Variants in CRYZL1 observed in about 807,000 individuals in gnomAD.
CRYZL1 encodes the protein crystallin zeta like 1, also known as ferry endosomal RAB5 effector complex subunit 4.
A neutral mutation model predicts 50.6 loss-of-function variants in CRYZL1; 34 were observed. The observed-to-expected ratio is 0.67, with a 90% confidence interval of 0.51 to 0.89. The LOEUF is 0.89. Ranked by LOEUF, CRYZL1 falls within the 40% of genes least tolerant of loss-of-function variation. The pLI is 0.00. For synonymous variants in CRYZL1, 125 were observed against 134.3 expected, an observed-to-expected ratio of 0.93 and a Z score of 0.48; for missense variants, 354 against 402.3, an observed-to-expected ratio of 0.88 and a Z score of 1.03.
intron 11 of CRYZL1, among the ~76,000 whole-genome samples, chr21:33,593,846 G>A (rs1159981115): frequency 2.0e-5 from 3 of 151,746 alleles, no homozygotes; most frequent in African/African-American, 4.8e-5. Flanking sequence ...TTAGCCAGGC[G>A]TGGTGGCGCA....
chr21:33,637,743 G>C (rs562473284), intron 1 of CRYZL1, among the ~76,000 whole-genome samples: 6 of 138,246 alleles, frequency 4.3e-5, no homozygotes, highest in South Asian at 2.3e-4. Flanking sequence ...TATATAAACA[G>C]CTACACAAGA....
At chr21:33,611,387 T>C (rs1414524754) in intron 6 of CRYZL1, among the ~76,000 whole-genome samples, 1 of 152,172 alleles carries the variant, frequency 6.6e-6, no homozygotes, top group Non-Finnish European at 1.5e-5. Flanking sequence ...AAATTAATTT[T>C]TAATAAAATA....
chr21:33,604,895 T>C (rs1230594141), intron 6 of CRYZL1, among the ~76,000 whole-genome samples: 1 of 152,228 alleles, frequency 6.6e-6, no homozygotes, highest in Non-Finnish European at 1.5e-5. Flanking sequence ...AGGTATATTA[T>C]CTGTTCCTTA....
intron 1 of CRYZL1, among the ~76,000 whole-genome samples, chr21:33,635,502 C>T (rs939746260): frequency 6.6e-6 from 1 of 151,416 alleles, no homozygotes. Context: ...AGGCGCCCAC[C>T]ACCACACCTG....
chr21:33,592,680 G>A (rs545237817), intron 11 of CRYZL1, among the ~76,000 whole-genome samples: 4 of 152,314 alleles, frequency 2.6e-5, no homozygotes, highest in African/African-American at 7.2e-5. Context: ...TAAATCACAA[G>A]CAGCAACTTA....
At position 33,589,719 on chromosome 21, in the gene CRYZL1, A is replaced by G. The variant is rs1460457918; in HGVS notation, c.*103T>C. On this transcript the variant is annotated 3_prime_UTR_variant, in exon 13 of 13. Transcript: ENST00000381554. The stretch of plus-strand genomic sequence containing the variant: ...GCAGAGAAACGTGCTTAAAAATGCA[A>G]CTTGTTTTATCTTCCTTGGTTTTTC... The G allele has an allele frequency of 1.5e-5, 11 of 743,312 alleles. No individual in the cohort carries two copies. Among genetic ancestry groups the G allele is most frequent in the Non-Finnish European group, 2.5e-5 (11 of 433,542 alleles). The allele number at this position is 743,312 out of a possible 1,614,324, so 46.0% of individuals were successfully genotyped here.
At chr21:33,597,609 A>C (rs1188646226) in intron 9 of CRYZL1, among the ~76,000 whole-genome samples, 2 of 63,270 alleles carry the variant, frequency 3.2e-5, no homozygotes, top group African/African-American at 1.5e-4. Flanking sequence ...GTCCGCCGGC[A>C]CTCTCTTTTT....
At chr21:33,638,252 A>G (rs1419348054) in intron 1 of CRYZL1, among the ~76,000 whole-genome samples, 1 of 134,920 alleles carries the variant, frequency 7.4e-6, no homozygotes, top group Non-Finnish European at 1.5e-5. Flanking sequence ...TTGCTCTGTC[A>G]CCCAGGCTGG....
chr21:33,603,666 C>T (rs2086780095), intron 6 of CRYZL1, 129 bp from the exon 7 acceptor site: 7 of 902,340 alleles, frequency 7.8e-6, no homozygotes, highest in Non-Finnish European at 1.1e-5. Flanking sequence ...TCTCTCTCAC[C>T]TACAATACTT....
At chr21:33,605,001 T>G (rs535270557) in intron 6 of CRYZL1, among the ~76,000 whole-genome samples, 11 of 152,324 alleles carry the variant, frequency 7.2e-5, no homozygotes, top group Middle Eastern at 3.4e-3. Context: ...TGATCACATT[T>G]ATATATTTTT....
intron 9 of CRYZL1, among the ~76,000 whole-genome samples, chr21:33,598,794 A>G (rs1279963351): frequency 1.3e-5 from 2 of 151,568 alleles, no homozygotes; most frequent in African/African-American, 4.8e-5. Flanking sequence ...AAACATTATA[A>G]GACATTTTTG....
At chr21:33,632,521 G>T (rs998557513) in intron 1 of CRYZL1, among the ~76,000 whole-genome samples, 1 of 150,222 alleles carries the variant, frequency 6.7e-6, no homozygotes, top group African/African-American at 2.4e-5. Flanking sequence ...GGGATTACAG[G>T]CACGCGCCAC....
chr21:33,592,913 A>C (rs1336999473), intron 11 of CRYZL1, among the ~76,000 whole-genome samples: 1 of 151,990 alleles, frequency 6.6e-6, no homozygotes, highest in Non-Finnish European at 1.5e-5. Context: ...TTAGGTGGGC[A>C]TGGTGGCATG....
At chr21:33,621,916 T>C in intron 4 of CRYZL1, 80 bp downstream of exon 4, 1 of 833,204 alleles carries the variant, frequency 1.2e-6, no homozygotes, top group Non-Finnish European at 1.9e-6. Flanking sequence ...TATAATTTTA[T>C]GTACCAGTAA....
chr21:33,624,627 C>A, intron 3 of CRYZL1, 56 bp downstream of exon 3: 1 of 1,594,054 alleles, frequency 6.3e-7, no homozygotes, highest in Non-Finnish European at 8.5e-7. Flanking sequence ...TATTTATACA[C>A]TAAATACACT....
chr21:33,601,184 G>A (rs1267948571), intron 8 of CRYZL1, among the ~76,000 whole-genome samples: 3 of 151,728 alleles, frequency 2.0e-5, no homozygotes, highest in Non-Finnish European at 4.4e-5. Context: ...TGATCCACCC[G>A]CCTCGGCCTC....
chr21:33,589,604 C>G lies in CRYZL1; in HGVS notation c.*218G>C. On this transcript the variant is annotated 3_prime_UTR_variant, in exon 13 of 13. Transcript: ENST00000381554. ...ATGAAAAGGTTTTTAGAAAAATTCC[C>G]TTAAGATGTTAATTATAGAATTATC... The G allele has an allele frequency of 3.9e-6, 2 of 515,368 alleles. No individual in the cohort carries two copies. The highest frequency in any genetic ancestry group is 3.5e-6 in the Non-Finnish European group (1 of 288,258). 31.9% of individuals were successfully genotyped at this position (515,368 alleles called of 1,614,324 possible).
intron 10 of CRYZL1, 147 bp downstream of exon 10, chr21:33,597,133 G>T: frequency 1.4e-6 from 1 of 733,292 alleles, no homozygotes; most frequent in Non-Finnish European, 2.3e-6. Flanking sequence ...GCCTCCCATA[G>T]TGCTGGACTC....
intron 4 of CRYZL1, among the ~76,000 whole-genome samples, chr21:33,618,096 C>A (rs938132965): frequency 6.6e-6 from 1 of 151,528 alleles, no homozygotes; most frequent in South Asian, 2.1e-4. Context: ...AAGACCATCC[C>A]GGCTAACACG....
Sources: allele counts gnomAD v4.1 joint callset (sites outside exome capture counted in the v4.1 genomes callset), GRCh38; gene constraint gnomAD v4.1.1; transcripts MANE v1.5; gene names NCBI Gene and HGNC (gene_info 2026-07-23, HGNC 2026-07-21).